INPP4B: variants seen among roughly 807,000 people sequenced by gnomAD.
INPP4B encodes the protein inositol polyphosphate-4-phosphatase type II B.
A neutral mutation model predicts 122.5 loss-of-function variants in INPP4B; 55 were observed. The observed-to-expected ratio is 0.45, with a 90% CI of 0.36 to 0.56. The LOEUF is 0.56. Ranked by LOEUF, INPP4B falls within the 20% of genes least tolerant of loss-of-function variation. The probability of loss-of-function intolerance (pLI) is 0.00; values close to 1 mark genes in which losing one functional copy is unlikely to be tolerated. For missense variants in INPP4B, 1,000 were observed against 1,097.7 expected, an observed-to-expected ratio of 0.91 and a Z score of 1.26; for synonymous variants, 403 against 388.7, an observed-to-expected ratio of 1.04 and a Z score of -0.43.
chr4:142,511,709 T>C (rs1323070183), intron 2 of INPP4B, among the ~76,000 whole-genome samples: 2 of 152,144 alleles, frequency 1.3e-5, no homozygotes. Context: ...TTTATTGCTC[T>C]CTCACGTGAT....
At chr4:142,156,104 G>A (rs773092891) in intron 17 of INPP4B, among the ~76,000 whole-genome samples, 8 of 151,676 alleles carry the variant, frequency 5.3e-5, no homozygotes, top group Admixed American at 1.3e-4. Flanking sequence ...CTGAAATGCC[G>A]CTTGATGCAG....
At chr4:142,139,301 T>A (rs1424121253) in intron 18 of INPP4B, among the ~76,000 whole-genome samples, 1 of 148,384 alleles carries the variant, frequency 6.7e-6, no homozygotes, top group Non-Finnish European at 1.5e-5. Context: ...TTCTAGTCTT[T>A]AATTATTATT....
chr4:142,448,794 CA>C (rs1428701517), intron 3 of INPP4B, among the ~76,000 whole-genome samples: 1 of 151,992 alleles, frequency 6.6e-6, no homozygotes, highest in Admixed American at 6.6e-5. Flanking sequence ...TAACATCATC[CA>C]AAAGTAACAT....
At chr4:142,183,713 T>C (rs542555220) in intron 15 of INPP4B, among the ~76,000 whole-genome samples, 2 of 152,334 alleles carry the variant, frequency 1.3e-5, no homozygotes, top group South Asian at 4.1e-4. Flanking sequence ...TGAGATAACA[T>C]ACTGTGTCAT....
chr4:142,452,373 G>A lies in INPP4B; in HGVS notation c.-127+10290C>T, dbSNP rs562150034. On this transcript the variant is annotated intron_variant, in intron 3 of 25. Transcript: ENST00000262992. ...TGGGAATGCAGTGAGTCAGCCATCT[G>A]ACTCGTTAGATTTTGTTCTGTGTCA... is the stretch of plus-strand genomic sequence containing the variant. Among the ~76,000 whole-genome samples, 3 of 152,344 alleles carry A rather than the reference G, an allele frequency of 2.0e-5. No homozygotes were observed. The South Asian group carries it at 6.2e-4, about 32-fold the overall frequency.
At chr4:142,547,150 C>A (rs1345649162) in intron 2 of INPP4B, among the ~76,000 whole-genome samples, 2 of 145,442 alleles carry the variant, frequency 1.4e-5, no homozygotes, top group Admixed American at 6.9e-5. Flanking sequence ...TTTTTACTTT[C>A]CCATGGCAAT....
chr4:142,085,895 G>A (rs1029495425), intron 24 of INPP4B, among the ~76,000 whole-genome samples: 7 of 152,166 alleles, frequency 4.6e-5, no homozygotes, highest in African/African-American at 1.2e-4. Flanking sequence ...CCTCAGAGTG[G>A]AGAACACATC....
At chr4:142,436,143 G>A (rs1354168028) in intron 3 of INPP4B, among the ~76,000 whole-genome samples, 8 of 152,196 alleles carry the variant, frequency 5.3e-5, no homozygotes, top group Non-Finnish European at 1.0e-4. Context: ...GGCAGACTAC[G>A]GCCAGATTGC....
At chr4:142,539,579 T>G (rs1175043574) in intron 2 of INPP4B, among the ~76,000 whole-genome samples, 1 of 152,036 alleles carries the variant, frequency 6.6e-6, no homozygotes, top group Non-Finnish European at 1.5e-5. Flanking sequence ...ATCTTGCTGT[T>G]GTGAGAACAA....
At position 142,650,227 on chromosome 4, in the gene INPP4B, G is replaced by A. The variant is rs1752650926; in HGVS notation, c.-191+75612C>T. On this transcript the variant is annotated intron_variant, in intron 2 of 25. Coordinates refer to ENST00000262992, the MANE Select transcript of INPP4B (RefSeq NM_001101669.3). ...AGCTCCTGAAGGAAGCACTAAACAT[G>A]GAAAGAAACAATTGGTACCAGCCAC... Among the ~76,000 whole-genome samples the A allele has an allele frequency of 2.0e-5, 3 of 152,224 alleles. No individual in the cohort carries two copies. The South Asian group carries it at 6.2e-4, about 32-fold the overall frequency.
At chr4:142,151,278 T>A (rs985927381) in intron 17 of INPP4B, among the ~76,000 whole-genome samples, 1 of 151,838 alleles carries the variant, frequency 6.6e-6, no homozygotes, top group Non-Finnish European at 1.5e-5. Context: ...TCTCTTTCTT[T>A]CACACACACA....
At chr4:142,573,674 G>A (rs140832029) in intron 2 of INPP4B, among the ~76,000 whole-genome samples, 32 of 152,146 alleles carry the variant, frequency 2.1e-4, no homozygotes, top group African/African-American at 5.1e-4. Flanking sequence ...ATGCAGTTGC[G>A]TGGTGGGAAA....
chr4:142,660,591 C>A (rs1754993947), intron 2 of INPP4B, among the ~76,000 whole-genome samples: 1 of 152,168 alleles, frequency 6.6e-6, no homozygotes, highest in East Asian at 1.9e-4. Context: ...GGACTGGGCC[C>A]AGGGGAAGGA....
At chr4:142,788,988 T>A (rs745863917) in intron 1 of INPP4B, among the ~76,000 whole-genome samples, 13 of 152,082 alleles carry the variant, frequency 8.5e-5, no homozygotes, top group Non-Finnish European at 1.5e-4. Flanking sequence ...AAAAACCAGA[T>A]GATCATCTCA....
At chr4:142,346,033 T>A (rs1780228365) in intron 7 of INPP4B, among the ~76,000 whole-genome samples, 1 of 152,016 alleles carries the variant, frequency 6.6e-6, no homozygotes, top group Non-Finnish European at 1.5e-5. Context: ...CATTAAGACA[T>A]GCATATATAG....
rs1775966717 is a variant in INPP4B, at chr4:142,787,862, G to A, written c.-254+58347C>T. 2.0e-5 allele frequency among the ~76,000 whole-genome samples: 3 copies of A among 151,998 alleles called. No individual in the cohort carries two copies. The South Asian group carries it at 6.2e-4, about 32-fold the overall frequency. On this transcript the variant is annotated intron_variant, in intron 1 of 25. Coordinates refer to ENST00000262992, the MANE Select transcript of INPP4B (RefSeq NM_001101669.3). ...TATAACTGTTATAAACATTCTGAGAGACTGGTGTAGACTTGAGGAATCAGA... is the reference window on the plus strand; with the variant it reads ...TATAACTGTTATAAACATTCTGAGAAACTGGTGTAGACTTGAGGAATCAGA...
chr4:142,745,491 C>T (rs557343833), intron 1 of INPP4B, among the ~76,000 whole-genome samples: 90 of 151,848 alleles, frequency 5.9e-4, no homozygotes, highest in Non-Finnish European at 1.2e-3. Flanking sequence ...TTTTATGCTA[C>T]AATGGCAGAA....
chr4:142,639,168 T>A (rs1451929907), intron 2 of INPP4B, among the ~76,000 whole-genome samples: 1 of 152,146 alleles, frequency 6.6e-6, no homozygotes. Flanking sequence ...CATTACTGGA[T>A]TTGATTTCTT....
intron 1 of INPP4B, among the ~76,000 whole-genome samples, chr4:142,783,517 T>C (rs1775230065): frequency 6.6e-6 from 1 of 152,150 alleles, no homozygotes; most frequent in African/African-American, 2.4e-5. Flanking sequence ...GCACCACGCA[T>C]AGACAGTTTT....
Sources: gnomAD v4.1 joint callset for allele counts (sites outside exome capture counted in the v4.1 genomes callset) on GRCh38, gnomAD v4.1.1 for gene constraint, MANE v1.5 for transcripts, NCBI Gene and HGNC (gene_info 2026-07-23, HGNC 2026-07-21) for gene names.